Variants in DLGAP1 observed in about 807,000 individuals in gnomAD.
The protein encoded by DLGAP1 is disks large-associated protein 1.
Under a neutral mutation model 90.8 loss-of-function variants are expected in DLGAP1, and 11 were observed. The observed-to-expected ratio is 0.12, with a 90% confidence interval of 0.08 to 0.20. The LOEUF (loss-of-function observed/expected upper bound fraction) is 0.20. Among genes scored for constraint, DLGAP1 ranks in the 10% least tolerant of loss-of-function variants. DLGAP1 has a pLI of 1.00. For synonymous variants in DLGAP1, 558 were observed against 540.7 expected, an observed-to-expected ratio of 1.03 and a Z score of -0.44; for missense variants, 1,050 against 1,333.8, an observed-to-expected ratio of 0.79 and a Z score of 3.31.
chr18:4,156,979 G>C (rs973863720), intron 1 of DLGAP1, among the ~76,000 whole-genome samples: 2 of 152,158 alleles, frequency 1.3e-5, no homozygotes, highest in Non-Finnish European at 2.9e-5. Flanking sequence ...GTCTACAGTT[G>C]TATCTTTAAA....
At chr18:3,558,677 T>C (rs80115785) in intron 9 of DLGAP1, among the ~76,000 whole-genome samples, 14,167 of 152,272 alleles carry the variant, frequency 0.093, 855 homozygotes, top group Non-Finnish European at 0.14. Flanking sequence ...GAGATTAATA[T>C]TTCTACTCCC....
At chr18:3,857,534 C>T (rs946784386) in intron 4 of DLGAP1, among the ~76,000 whole-genome samples, 12 of 152,200 alleles carry the variant, frequency 7.9e-5, no homozygotes, top group African/African-American at 2.7e-4. Context: ...GCCAAGTTCA[C>T]GATCAAGCTT....
At chr18:3,675,317 C>T (rs1305438886) in intron 7 of DLGAP1, among the ~76,000 whole-genome samples, 10 of 152,058 alleles carry the variant, frequency 6.6e-5, no homozygotes, top group African/African-American at 1.4e-4. Flanking sequence ...TCAGGTAATC[C>T]GCCGGCCTCA....
intron 4 of DLGAP1, among the ~76,000 whole-genome samples, chr18:3,838,987 T>A (rs1225007526): frequency 6.6e-6 from 1 of 152,238 alleles, no homozygotes; most frequent in East Asian, 1.9e-4. Flanking sequence ...AACTTGTTCC[T>A]AAATTTTATC....
At chr18:3,632,561 C>T (rs1203672598) in intron 7 of DLGAP1, among the ~76,000 whole-genome samples, 1 of 152,136 alleles carries the variant, frequency 6.6e-6, no homozygotes, top group Non-Finnish European at 1.5e-5. Context: ...CCTCGGCCTC[C>T]CAAAGTGCTA....
At chr18:3,541,788 G>A (rs2052705845) in intron 9 of DLGAP1, among the ~76,000 whole-genome samples, 1 of 152,126 alleles carries the variant, frequency 6.6e-6, no homozygotes, top group Non-Finnish European at 1.5e-5. Context: ...CTTTCCACTT[G>A]CTTGTTCCAC....
chr18:3,651,544 G>A (rs1235239716), intron 7 of DLGAP1, among the ~76,000 whole-genome samples: 1 of 152,194 alleles, frequency 6.6e-6, no homozygotes, highest in Admixed American at 6.5e-5. Context: ...TGTAATTCCA[G>A]CACTTTGGGA....
chr18:4,454,010 G>C lies in DLGAP1; in HGVS notation c.-267+996C>G, dbSNP rs1292703964. ...GGGCTGGAGGCAAGCCCTGCAGCCG[G>C]GGGCGAGCGCGGCACTCGGACACAG... On this transcript the variant is annotated intron_variant, in intron 1 of 12. Coordinates refer to ENST00000315677, the MANE Select transcript of DLGAP1 (RefSeq NM_004746.4). This position sits in a 1 kb window ranked among gnomAD's most constrained non-coding sequence, Gnocchi z 4.7. 1.3e-5 allele frequency among the ~76,000 whole-genome samples: 2 copies of C among 152,176 alleles called. No individual in the cohort carries two copies. The highest frequency in any genetic ancestry group is 3.9e-4 in the East Asian group (2 of 5,178).
chr18:3,793,099 C>G (rs1001534661), intron 5 of DLGAP1, among the ~76,000 whole-genome samples: 12 of 152,198 alleles, frequency 7.9e-5, no homozygotes, highest in Non-Finnish European at 1.6e-4. Flanking sequence ...CAATGAAAGG[C>G]AGGAGACCAG....
At chr18:3,842,139 T>C (rs2068752825) in intron 4 of DLGAP1, among the ~76,000 whole-genome samples, 1 of 149,044 alleles carries the variant, frequency 6.7e-6, no homozygotes, top group South Asian at 2.1e-4. Flanking sequence ...GTGGAGGGGG[T>C]TGTAGGCAGG....
chr18:4,093,608 C>G (rs992032196), intron 2 of DLGAP1, among the ~76,000 whole-genome samples: 1 of 151,842 alleles, frequency 6.6e-6, no homozygotes, highest in Admixed American at 6.6e-5. Context: ...CTTTGATATA[C>G]TTCTCCAACT....
At chr18:3,805,916 T>G (rs997764845) in intron 5 of DLGAP1, among the ~76,000 whole-genome samples, 1 of 152,236 alleles carries the variant, frequency 6.6e-6, no homozygotes, top group African/African-American at 2.4e-5. Context: ...CTGAATTCCT[T>G]GGGCTGCAAT....
At chr18:3,772,458 C>CTTTCTTTCTT (rs1568110129) in intron 5 of DLGAP1, among the ~76,000 whole-genome samples, 1 of 83,714 alleles carries the variant, frequency 1.2e-5, no homozygotes, top group African/African-American at 4.5e-5. Context: ...CCCCACCCCC[C>CTTTCTTTCTT]TCTTTCTTTC....
At chr18:3,692,013 CG>C (rs2060914694) in intron 7 of DLGAP1, among the ~76,000 whole-genome samples, 1 of 152,144 alleles carries the variant, frequency 6.6e-6, no homozygotes, top group Non-Finnish European at 1.5e-5. Context: ...CTTGAATCCA[CG>C]TAATGGTGGT....
intron 1 of DLGAP1, among the ~76,000 whole-genome samples, chr18:4,428,063 T>C (rs182480862): frequency 4.6e-5 from 7 of 152,338 alleles, no homozygotes; most frequent in East Asian, 1.9e-4. Context: ...TCTGAGTTTA[T>C]TCATCTATTT....
intron 4 of DLGAP1, among the ~76,000 whole-genome samples, chr18:3,816,710 C>T (rs943689109): frequency 2.6e-5 from 4 of 152,162 alleles, no homozygotes; most frequent in African/African-American, 9.7e-5. Context: ...CAAATGAGGA[C>T]ACTAAAGTTA....
chr18:4,297,029 TCTGTAAAGAGG>T (rs2079998957), intron 1 of DLGAP1, among the ~76,000 whole-genome samples: 1 of 152,130 alleles, frequency 6.6e-6, no homozygotes, highest in Non-Finnish European at 1.5e-5. Flanking sequence ...GTGGAACAGG[TCTGTAAAGAGG>T]ACCTATGACT....
intron 1 of DLGAP1, among the ~76,000 whole-genome samples, chr18:4,233,498 A>G (rs796716292): frequency 3.9e-5 from 6 of 152,274 alleles, no homozygotes; most frequent in African/African-American, 1.4e-4. Context: ...ATAATATCAC[A>G]GGGTACATTA....
At chr18:3,708,544 T>A (rs1185113732) in intron 7 of DLGAP1, 1 of 456,648 alleles carries the variant, frequency 2.2e-6, no homozygotes, top group South Asian at 1.5e-5. Context: ...CTCCGTTTCC[T>A]GCCTCTTCCT....
Sources: allele counts gnomAD v4.1 joint callset (sites outside exome capture counted in the v4.1 genomes callset), GRCh38; gene constraint gnomAD v4.1.1; non-coding constraint Gnocchi (gnomAD v3.1); transcripts MANE v1.5; gene names NCBI Gene and HGNC (gene_info 2026-07-23, HGNC 2026-07-21).